The following LMNB2 variants were observed in gnomAD, a reference collection of about 807,000 sequenced individuals.
LMNB2 encodes the protein lamin-B2.
In LMNB2, 17 loss-of-function variants were observed where a neutral mutation model predicts 69.3. The ratio of observed to expected loss-of-function variants is 0.25; its 90% CI spans 0.17 to 0.37. The LOEUF is 0.37. LMNB2 is among the 10% of genes least tolerant of loss of function. The probability of loss-of-function intolerance (pLI) is 1.00; values close to 1 mark genes in which losing one functional copy is unlikely to be tolerated. For missense variants in LMNB2, 789 were observed against 883.6 expected, an observed-to-expected ratio of 0.89 and a Z score of 1.36; for synonymous variants, 397 against 389.3, an observed-to-expected ratio of 1.02 and a Z score of -0.23.
chr19:2,430,866 C>T lies in LMNB2; in HGVS notation c.*45G>A, dbSNP rs764444575. On this transcript the variant is annotated 3_prime_UTR_variant, in exon 12 of 12. Coordinates refer to ENST00000325327, the MANE Select transcript of LMNB2 (RefSeq NM_032737.4). ...AAGCCAATGATATAAAAATAGTTTT[C>T]AGTGGCTCTGGGTAAAGAAAGGTGT... 2 of 1,265,332 alleles carry T rather than the reference C, an allele frequency of 1.6e-6. No homozygotes were observed. Among genetic ancestry groups the T allele is most frequent in the Admixed American group, 1.7e-5 (1 of 59,548 alleles). The allele number at this position is 1,265,332 out of a possible 1,614,324, so 78.4% of individuals were successfully genotyped here.
At position 2,444,391 on chromosome 19, in the gene LMNB2, C is replaced by T. The variant is rs765817746; in HGVS notation, c.401+13G>A. 3.1e-6 allele frequency: 5 copies of T among 1,613,628 alleles called. No homozygotes were observed. Among genetic ancestry groups the T allele is most frequent in the Middle Eastern group, 1.6e-4 (1 of 6,062 alleles). ...GGATCAGGGTGACGTCGTGCCCAGC[C>T]GTGACCACTCACCTCTTGTTGACCT... On this transcript the variant is annotated intron_variant, in intron 2 of 11. Transcript: ENST00000325327.
chr19:2,451,325 T>A (rs1214084130), intron 1 of LMNB2, among the ~76,000 whole-genome samples: 1 of 152,224 alleles, frequency 6.6e-6, no homozygotes, highest in African/African-American at 2.4e-5. Flanking sequence ...CAGTTCCATG[T>A]GTATAAATAA....
In LMNB2 at chr19:2,456,852, G is replaced by C; in HGVS notation, c.82C>G (p.Arg28Gly). The C allele has an allele frequency of 7.8e-7, 1 of 1,277,500 alleles. No individual in the cohort carries two copies. The highest frequency in any genetic ancestry group is 9.9e-7 in the Non-Finnish European group (1 of 1,005,582). The allele number at this position is 1,277,500 out of a possible 1,614,324, so 79.1% of individuals were successfully genotyped here. A position where few individuals can be genotyped will look rare whatever the true frequency, so the allele number is the denominator to read the frequency against. The change falls in exon 1 of 12, where the codon CGC becomes GGC. Residue 28 changes from arginine (R) to glycine (G), a missense_variant. Around this residue, in one of 3 missense-constraint regions of LMNB2, gnomAD observed 145 missense variants for 228.9 expected, o/e 0.63. Transcript: ENST00000325327. ...AATMATPLPG[R>G]AGGPATPLSP... Reference sequence around the variant, plus strand: ...AGCGGCGTGGCGGGCCCGCCCGCGCGGCCGGGCAGCGGCGTGGCCATGGTG... The same window carrying C: ...AGCGGCGTGGCGGGCCCGCCCGCGCCGCCGGGCAGCGGCGTGGCCATGGTG...
Position 2,447,648 on chromosome 19 carries a change from C to T in LMNB2, c.265-3108G>A, listed in dbSNP as rs1052318582. On this transcript the variant is annotated intron_variant, in intron 1 of 11. Coordinates refer to ENST00000325327, the MANE Select transcript of LMNB2 (RefSeq NM_032737.4). The surrounding 1 kb of genome is among the most constrained non-coding windows in gnomAD (Gnocchi z 4.4). Reference sequence around the variant, plus strand: ...CCAGGCCCAGCACCACCCGCTAGAACGCCGTGATGTTCCCACAGCCCTACA... The same window carrying T: ...CCAGGCCCAGCACCACCCGCTAGAATGCCGTGATGTTCCCACAGCCCTACA... 4.6e-5 allele frequency among the ~76,000 whole-genome samples: 7 copies of T among 152,186 alleles called. No homozygotes were observed. Among genetic ancestry groups the T allele is most frequent in the African/African-American group, 7.2e-5 (3 of 41,428 alleles).
chr19:2,444,075 G>A (rs114213325), intron 2 of LMNB2, among the ~76,000 whole-genome samples: 6,347 of 152,288 alleles, frequency 0.042, 154 homozygotes, highest in Non-Finnish European at 0.051. Context: ...GCCGCCCGGG[G>A]TCTAGGTAAG....
intron 9 of LMNB2, 60 bp downstream of exon 9, chr19:2,432,356 C>T: frequency 7.6e-7 from 1 of 1,319,928 alleles, no homozygotes; most frequent in Non-Finnish European, 1.1e-6. Flanking sequence ...GCCTCCAGTC[C>T]CCTGACCCCA....
Position 2,455,570 on chromosome 19 carries a change from G to A in LMNB2, c.264+1100C>T, listed in dbSNP as rs1486083996. On this transcript the variant is annotated intron_variant, in intron 1 of 11. Transcript: ENST00000325327. ...GCCCCAAAATGCACCTCTCACGGAA[G>A]GGTCCCCAGAGCTAGCTGGAGGCCC... Among the ~76,000 whole-genome samples the A allele has an allele frequency of 2.6e-5, 4 of 152,126 alleles. No homozygotes were observed. The East Asian group carries it at 7.7e-4, about 29-fold the overall frequency.
At position 2,434,284 on chromosome 19, in the gene LMNB2, G is replaced by A; in HGVS notation, c.1202+11C>T. 1.2e-6 allele frequency: 2 copies of A among 1,611,552 alleles called. No homozygotes were observed. Among genetic ancestry groups the A allele is most frequent in the Middle Eastern group, 1.7e-4 (1 of 5,864 alleles). On this transcript the variant is annotated intron_variant, in intron 7 of 11. Coordinates refer to ENST00000325327, the MANE Select transcript of LMNB2 (RefSeq NM_032737.4). Reference sequence around the variant, plus strand: ...TCACTCTGTGCTCCCAAGCCTCCTGGCCTGCCGCACCTCTCCTCCTCGCCC... The same window carrying A: ...TCACTCTGTGCTCCCAAGCCTCCTGACCTGCCGCACCTCTCCTCCTCGCCC...
At chr19:2,450,032 G>A (rs2392767) in intron 1 of LMNB2, among the ~76,000 whole-genome samples, 4 of 151,810 alleles carry the variant, frequency 2.6e-5, no homozygotes, top group African/African-American at 4.9e-5. Context: ...CCAAGATCAC[G>A]CCACTGCACT....
Position 2,444,467 on chromosome 19 carries a change from T to C in LMNB2, c.338A>G (p.Glu113Gly), listed in dbSNP as rs1164909947. 1.2e-6 allele frequency: 2 copies of C among 1,613,604 alleles called. No individual in the cohort carries two copies. The highest frequency in any genetic ancestry group is 1.7e-6 in the Non-Finnish European group (2 of 1,180,022). ...AATCTCTATCTGCAGCCGGGCACGC[T>C]CTCGAGCCGTCTCATCCAGGACTCT... ...ARRVLDETAR[E>G]RARLQIEIGK... Residue 113 changes from glutamate (E) to glycine (G), a missense_variant, in exon 2 of 12, where the codon GAG becomes GGG. This residue lies in a region of LMNB2 where 145 missense variants were observed against 228.9 expected (regional missense o/e 0.63). Coordinates refer to ENST00000325327, the MANE Select transcript of LMNB2 (RefSeq NM_032737.4).
chr19:2,456,909 G>A lies in LMNB2; in HGVS notation c.25C>T (p.Arg9Cys), dbSNP rs1356241087. The A allele has an allele frequency of 1.5e-5, 15 of 1,002,308 alleles. No homozygotes were observed. The highest frequency in any genetic ancestry group is 6.0e-5 in the Admixed American group (1 of 16,600). The allele number at this position is 1,002,308 out of a possible 1,614,324, so 62.1% of individuals were successfully genotyped here. MSPPSPGR[R>C]REQRRPRAAA... ...GCTCGCGGCCTGCGCTGCTCCCGAC[G>A]GCGGCCCGGGCTCGGCGGGCTCATT... Residue 9 changes from arginine (R) to cysteine (C), a missense_variant, in exon 1 of 12, where the codon CGT becomes TGT. Arg to Cys is a radical substitution (Grantham distance 180). This residue lies in a region of LMNB2 where 35 missense variants were observed against 23.9 expected (regional missense o/e 1.47). Coordinates refer to ENST00000325327, the MANE Select transcript of LMNB2 (RefSeq NM_032737.4).
rs200122476 is a variant in LMNB2 at position 2,431,665 on chromosome 19, G to A, written c.1711-7C>T. On this transcript the variant is annotated splice_polypyrimidine_tract_variant and splice_region_variant and intron_variant, in intron 10 of 11. Transcript: ENST00000325327. ...CAGTCCTCATGGCCACTTCCTGTGC[G>A]GGACAGGACACGGCGGCATGTCCCG... is the stretch of plus-strand genomic sequence containing the variant. 106 of 1,614,084 alleles carry A rather than the reference G, an allele frequency of 6.6e-5. No individual in the cohort carries two copies. In the East Asian group the frequency reaches 1.2e-3, roughly 19 times the overall value.
At chr19:2,450,223 C>A (rs1379409231) in intron 1 of LMNB2, among the ~76,000 whole-genome samples, 2 of 152,054 alleles carry the variant, frequency 1.3e-5, no homozygotes, top group Non-Finnish European at 2.9e-5. Context: ...TCCTACTGCA[C>A]ACCTGCCCAG....
In LMNB2 at chr19:2,441,570, G is replaced by T. The variant is rs1375880772; in HGVS notation, c.401+2834C>A. Among the ~76,000 whole-genome samples, 4 of 152,218 alleles carry T rather than the reference G, an allele frequency of 2.6e-5. No individual in the cohort carries two copies. The East Asian group carries it at 7.7e-4, about 29-fold the overall frequency. ...CTGCTGGGGATTTTTGCAGGGGTTTGGGGGAAGGTGGAATCTGTTGGGCAA... is the reference window on the plus strand; with the variant it reads ...CTGCTGGGGATTTTTGCAGGGGTTTTGGGGAAGGTGGAATCTGTTGGGCAA... On this transcript the variant is annotated intron_variant, in intron 2 of 11. Transcript: ENST00000325327.
chr19:2,436,478 G>A (rs1420350609), intron 4 of LMNB2, among the ~76,000 whole-genome samples: 1 of 152,058 alleles, frequency 6.6e-6, no homozygotes, highest in Non-Finnish European at 1.5e-5. Context: ...GGTAGCCCAG[G>A]CAAGCAGAGC....
intron 2 of LMNB2, among the ~76,000 whole-genome samples, chr19:2,442,517 C>T (rs1971909657): frequency 6.6e-6 from 1 of 152,032 alleles, no homozygotes; most frequent in East Asian, 1.9e-4. Context: ...TGCAGTGAGC[C>T]GAGATTGCAC....
intron 2 of LMNB2, among the ~76,000 whole-genome samples, chr19:2,442,362 C>T (rs542158541): frequency 2.4e-4 from 37 of 151,952 alleles, no homozygotes; most frequent in Non-Finnish European, 4.3e-4. Context: ...GAGGCCAAGG[C>T]GGGTGGATCG....
chr19:2,454,554 C>A (rs752284680), intron 1 of LMNB2, among the ~76,000 whole-genome samples: 1 of 152,132 alleles, frequency 6.6e-6, no homozygotes, highest in South Asian at 2.1e-4. Context: ...AGCCCAAGGT[C>A]ACACAGAGGG....
Position 2,453,554 on chromosome 19 carries a change from G to GCC in LMNB2, c.264+3114_264+3115dup, listed in dbSNP as rs1972054329. On this transcript the variant is annotated intron_variant, in intron 1 of 11. Coordinates refer to ENST00000325327, the MANE Select transcript of LMNB2 (RefSeq NM_032737.4). This position sits in a 1 kb window ranked among gnomAD's most constrained non-coding sequence, Gnocchi z 4.4. ...CAGGCGGAACTCCCAGCTGTCCCCT[G>GCC]CCACATGCCCTGCAGACACGGCTGG... Among the ~76,000 whole-genome samples, 1 of 152,100 alleles carries GCC rather than the reference G, an allele frequency of 6.6e-6. No homozygotes were observed. Among genetic ancestry groups the GCC allele is most frequent in the Non-Finnish European group, 1.5e-5 (1 of 68,012 alleles).
Sources: allele counts gnomAD v4.1 joint callset (sites outside exome capture counted in the v4.1 genomes callset), GRCh38; gene constraint gnomAD v4.1.1; regional missense constraint gnomAD v4.1.1; non-coding constraint Gnocchi (gnomAD v3.1); transcripts MANE v1.5; gene names NCBI Gene and HGNC (gene_info 2026-07-23, HGNC 2026-07-21).